The following TRAF3 variants were observed in gnomAD, a reference collection of about 807,000 sequenced individuals.
TRAF3 encodes the protein TNF receptor associated factor 3.
TRAF3 carries 13 observed loss-of-function variants against 62.3 expected under a neutral mutation model. The observed-to-expected ratio is 0.21, with a 90% confidence interval of 0.14 to 0.33. The LOEUF (loss-of-function observed/expected upper bound fraction) is 0.33, where lower values mean the gene tolerates loss of function less well. TRAF3 is among the 10% of genes least tolerant of loss of function. The probability of loss-of-function intolerance (pLI) is 1.00; values close to 1 mark genes in which losing one functional copy is unlikely to be tolerated. For synonymous variants in TRAF3, 269 were observed against 283.4 expected (o/e 0.95, Z 0.51); for missense variants, 440 against 741.8 (o/e 0.59, Z 4.73).
At chr14:102,894,130 C>G (rs1889876563) in intron 9 of TRAF3, among the ~76,000 whole-genome samples, 2 of 152,106 alleles carry the variant, frequency 1.3e-5, no homozygotes, top group Admixed American at 1.3e-4. Flanking sequence ...AGTTCGAGAC[C>G]AGCCTGGGCA....
chr14:102,891,477 G>T, intron 9 of TRAF3, 60 bp downstream of exon 9: 1 of 1,534,580 alleles, frequency 6.5e-7, no homozygotes, highest in Non-Finnish European at 8.8e-7. Flanking sequence ...ATTATTTAAA[G>T]ACAAAACCTT....
At chr14:102,834,350 C>T (rs1566763673) in intron 2 of TRAF3, among the ~76,000 whole-genome samples, 1 of 152,122 alleles carries the variant, frequency 6.6e-6, no homozygotes, top group Admixed American at 6.6e-5. Flanking sequence ...AAAGGACTCC[C>T]TATTCAATCA....
rs1275733202 is a variant in TRAF3 at position 102,870,139 on chromosome 14, C to T, written c.-17-46C>T. On this transcript the variant is annotated intron_variant, in intron 2 of 11. Transcript: ENST00000392745. Reference sequence around the variant, plus strand: ...GCTTTCCCAAAGCTGTGTTTGTTTCCTTGCATGAGAGGATATGATGGCACT... The same window carrying T: ...GCTTTCCCAAAGCTGTGTTTGTTTCTTTGCATGAGAGGATATGATGGCACT... 5.0e-6 allele frequency: 8 copies of T among 1,613,110 alleles called. No individual in the cohort carries two copies. In the African/African-American group the frequency reaches 5.3e-5, roughly 11 times the overall value.
At chr14:102,872,639 A>G (rs1054884506) in intron 4 of TRAF3, among the ~76,000 whole-genome samples, 1 of 152,010 alleles carries the variant, frequency 6.6e-6, no homozygotes, top group African/African-American at 2.4e-5. Flanking sequence ...CCTGCCAGGT[A>G]TACTTGGAGT....
intron 9 of TRAF3, among the ~76,000 whole-genome samples, chr14:102,896,219 A>C (rs908544527): frequency 1.3e-5 from 2 of 152,302 alleles, no homozygotes; most frequent in African/African-American, 4.8e-5. Flanking sequence ...AATCACAGTC[A>C]CCATGCTGTT....
intron 2 of TRAF3, among the ~76,000 whole-genome samples, chr14:102,842,858 T>A (rs543635717): frequency 6.6e-6 from 1 of 152,344 alleles, no homozygotes; most frequent in African/African-American, 2.4e-5. Context: ...GAGTTCTGTA[T>A]CTGGCAAAAA....
At chr14:102,816,310 C>G (rs1309779506) in intron 1 of TRAF3, among the ~76,000 whole-genome samples, 3 of 152,010 alleles carry the variant, frequency 2.0e-5, no homozygotes, top group Non-Finnish European at 4.4e-5. Context: ...ACCATGTTGG[C>G]CAGGCTGGTC....
chr14:102,827,281 G>A (rs551897278), intron 1 of TRAF3, among the ~76,000 whole-genome samples: 2 of 152,312 alleles, frequency 1.3e-5, no homozygotes, highest in East Asian at 3.9e-4. Context: ...TCCTCCTAGA[G>A]CACCGGTGCC....
At chr14:102,823,364 C>A (rs1038843506) in intron 1 of TRAF3, among the ~76,000 whole-genome samples, 1 of 152,152 alleles carries the variant, frequency 6.6e-6, no homozygotes. Flanking sequence ...TGAATACTTT[C>A]TTGGGGGAGA....
chr14:102,887,061 A>T (rs564293453), intron 7 of TRAF3, among the ~76,000 whole-genome samples: 1 of 152,158 alleles, frequency 6.6e-6, no homozygotes, highest in East Asian at 1.9e-4. Context: ...TGCGCTTGGC[A>T]CTCTTTCTTT....
At chr14:102,795,302 C>T (rs753556515) in intron 1 of TRAF3, among the ~76,000 whole-genome samples, 14 of 152,152 alleles carry the variant, frequency 9.2e-5, no homozygotes, top group Non-Finnish European at 1.8e-4. Flanking sequence ...CAGGAAATCT[C>T]TGTCTTTGGC....
intron 1 of TRAF3, among the ~76,000 whole-genome samples, chr14:102,827,818 C>T (rs987499502): frequency 2.0e-5 from 3 of 152,210 alleles, no homozygotes; most frequent in Non-Finnish European, 4.4e-5. Context: ...GCTCTGACCA[C>T]GTAATGGTTG....
chr14:102,780,353 G>A (rs1351074087), intron 1 of TRAF3, among the ~76,000 whole-genome samples: 1 of 151,874 alleles, frequency 6.6e-6, no homozygotes, highest in Non-Finnish European at 1.5e-5. Context: ...AAAATGTTAT[G>A]TGTGCTTGTG....
Position 102,897,278 on chromosome 14 carries a change from T to C in TRAF3, c.837T>C (p.Asn279=), listed in dbSNP as rs1441611359. 1.2e-6 allele frequency: 2 copies of C among 1,613,324 alleles called. No individual in the cohort carries two copies. Among genetic ancestry groups the C allele is most frequent in the African/African-American group, 2.7e-5 (2 of 74,980 alleles). The stretch of plus-strand genomic sequence containing the variant: ...TTTTTTAGGTTTCCTTGTTGCAGAA[T>C]GAAAGTGTAGAAAAAAACAAGAGCA... ...SLEKKVSLLQ[N]ESVEKNKSIQ... is the part of the protein sequence containing the mutation. Residue 279 remains asparagine (N), a synonymous_variant, in exon 10 of 12, where the codon AAT becomes AAC. Coordinates refer to ENST00000392745, the MANE Select transcript of TRAF3 (RefSeq NM_145725.3).
intron 7 of TRAF3, among the ~76,000 whole-genome samples, chr14:102,887,335 GCC>G (rs1383756744): frequency 6.6e-6 from 1 of 152,198 alleles, no homozygotes. Context: ...AGCCTCGCAT[GCC>G]CCTGACTGAG....
At chr14:102,874,224 C>A (rs903100877) in intron 4 of TRAF3, among the ~76,000 whole-genome samples, 1 of 152,030 alleles carries the variant, frequency 6.6e-6, no homozygotes, top group Non-Finnish European at 1.5e-5. Flanking sequence ...CATGATTGCA[C>A]CAGTGCGCTC....
At chr14:102,842,596 A>G (rs1434692927) in intron 2 of TRAF3, among the ~76,000 whole-genome samples, 2 of 152,164 alleles carry the variant, frequency 1.3e-5, no homozygotes, top group African/African-American at 2.4e-5. Flanking sequence ...AAATTTTCCA[A>G]ATTTGATGAA....
At chr14:102,809,477 C>G (rs1198131383) in intron 1 of TRAF3, among the ~76,000 whole-genome samples, 1 of 151,234 alleles carries the variant, frequency 6.6e-6, no homozygotes, top group Non-Finnish European at 1.5e-5. Flanking sequence ...TGGAATGTAT[C>G]CCAAATGAGG....
At chr14:102,778,256 G>A (rs1417151972) in intron 1 of TRAF3, among the ~76,000 whole-genome samples, 3 of 151,688 alleles carry the variant, frequency 2.0e-5, no homozygotes, top group African/African-American at 7.3e-5. Context: ...GGCGACTCCC[G>A]GGGCACCGGG....
Sources: gnomAD v4.1 joint callset for allele counts (sites outside exome capture counted in the v4.1 genomes callset) on GRCh38, gnomAD v4.1.1 for gene constraint, MANE v1.5 for transcripts, NCBI Gene and HGNC (gene_info 2026-07-23, HGNC 2026-07-21) for gene names.